The following SLC35F5 variants were observed in gnomAD, a reference collection of about 807,000 sequenced individuals.
The protein encoded by SLC35F5 is solute carrier family 35 member F5, also known as HCV NS5A-transactivated protein 3.
In SLC35F5, 54 loss-of-function variants were observed where a neutral mutation model predicts 68.6. That is an observed-to-expected ratio of 0.79 (90% CI 0.63 to 0.99). The LOEUF is 0.99. SLC35F5 is among the 50% of genes least tolerant of loss of function. SLC35F5 has a pLI of 0.00. For missense variants in SLC35F5, 567 were observed against 626.9 expected (o/e 0.90, Z 1.02); for synonymous variants, 211 against 205.2 (o/e 1.03, Z -0.24).
chr2:113,756,568 C>T lies in SLC35F5; in HGVS notation c.-159G>A, dbSNP rs1256423368. The T allele has an allele frequency of 1.4e-6, 2 of 1,459,702 alleles. No individual in the cohort carries two copies. Among genetic ancestry groups the T allele is most frequent in the South Asian group, 1.4e-5 (1 of 72,456 alleles). 90.4% of individuals were successfully genotyped at this position (1,459,702 alleles called of 1,614,324 possible). A position where few individuals can be genotyped will look rare whatever the true frequency, so the allele number is the denominator to read the frequency against. On this transcript the variant is annotated 5_prime_UTR_variant, in exon 1 of 16. Coordinates refer to ENST00000245680, the MANE Select transcript of SLC35F5 (RefSeq NM_025181.5). ...GCTCCCGACACCACCCAACTCCACT[C>T]GGCCCAGGAGGGCGTGGAGCGGGTG...
chr2:113,717,373 A>G (rs1164351615), intron 15 of SLC35F5: 1 of 153,402 alleles, frequency 6.5e-6, no homozygotes. Flanking sequence ...CAGAGAAAAA[A>G]TATTTTTCTA....
chr2:113,735,821 G>C lies in SLC35F5; in HGVS notation c.788C>G (p.Ser263Ter). The change falls in exon 8 of 16, where the codon TCA (serine) becomes TGA (stop). Residue 263 changes from serine to a stop codon, truncating the protein, a stop_gained. Coordinates refer to ENST00000245680, the MANE Select transcript of SLC35F5 (RefSeq NM_025181.5). LOFTEE classifies it high-confidence loss of function. The part of the protein sequence containing the change: ...LANLSYQEAL[S>*]DTQVAIVNIL... ...ATTAACTATAGCAACTTGTGTGTCT[G>C]AAAGTGCTTCTTGATATGACAAATT... The C allele has an allele frequency of 1.2e-6, 2 of 1,609,642 alleles. No individual in the cohort carries two copies. Among genetic ancestry groups the C allele is most frequent in the Non-Finnish European group, 1.7e-6 (2 of 1,178,370 alleles).
chr2:113,729,377 C>A, intron 11 of SLC35F5, 24 bp downstream of exon 11: 1 of 1,226,904 alleles, frequency 8.2e-7, no homozygotes, highest in East Asian at 2.5e-5. Context: ...AGTAAATAGC[C>A]TCCCAAGTTA....
chr2:113,744,693 C>G (rs918165635), intron 5 of SLC35F5, among the ~76,000 whole-genome samples: 39 of 152,184 alleles, frequency 2.6e-4, no homozygotes, highest in African/African-American at 9.4e-4. Context: ...GGAGGTTGTG[C>G]AGTGAGCTGA....
intron 4 of SLC35F5, among the ~76,000 whole-genome samples, chr2:113,746,931 A>C (rs74957739): frequency 1.2e-5 from 1 of 83,160 alleles, no homozygotes; most frequent in Non-Finnish European, 2.8e-5. Context: ...CAAAAAAAGA[A>C]AAAAAAAAAA....
Position 113,717,817 on chromosome 2 carries a change from G to T in SLC35F5, c.1530C>A (p.Leu510=). 1 of 1,613,070 alleles carries T rather than the reference G, an allele frequency of 6.2e-7. No homozygotes were observed. Among genetic ancestry groups the T allele is most frequent in the South Asian group, 1.1e-5 (1 of 90,938 alleles). ...CCTGAGAAACACTGTGCATAGAAAT[G>T]AGACTCTCACACTGTTCGCTGTCTT... The part of the protein sequence containing the change: ...VPEDSEQCES[L]ISMHSVSQED... Residue 510 remains leucine, a synonymous_variant, in exon 15 of 16, where the codon CTC becomes CTA. Transcript: ENST00000245680.
intron 13 of SLC35F5, chr2:113,719,558 G>C: frequency 1.6e-5 from 5 of 312,632 alleles, no homozygotes; most frequent in Non-Finnish European, 2.9e-5. Context: ...GGAAAGCCAA[G>C]AAAGCATACT....
In SLC35F5 at chr2:113,734,693, T is replaced by G. The variant is rs375795998; in HGVS notation, c.833-20A>C. 6.8e-7 allele frequency: 1 copy of G among 1,462,770 alleles called. No homozygotes were observed. Among genetic ancestry groups the G allele is most frequent in the Non-Finnish European group, 9.5e-7 (1 of 1,057,076 alleles). The allele number at this position is 1,462,770 out of a possible 1,614,324, so 90.6% of individuals were successfully genotyped here. A position where few individuals can be genotyped will look rare whatever the true frequency, so the allele number is the denominator to read the frequency against. ...AAAGTCCTATGAGGAGAAAAGAATT[T>G]AAAAATGGTACATGAGTTTAAATAC... On this transcript the variant is annotated intron_variant, in intron 8 of 15. Coordinates refer to ENST00000245680, the MANE Select transcript of SLC35F5 (RefSeq NM_025181.5).
At chr2:113,719,389 T>A in intron 13 of SLC35F5, 81 bp from the exon 14 acceptor site, 1 of 1,267,166 alleles carries the variant, frequency 7.9e-7, no homozygotes, top group East Asian at 2.5e-5. Context: ...GTTTTCTATT[T>A]GTGAAAACTA....
At chr2:113,747,894 C>A (rs1197230755) in intron 4 of SLC35F5, among the ~76,000 whole-genome samples, 1 of 152,100 alleles carries the variant, frequency 6.6e-6, no homozygotes, top group Non-Finnish European at 1.5e-5. Flanking sequence ...GAGTTCAAGA[C>A]CAGCCTGACC....
downstream of SLC35F5, among the ~76,000 whole-genome samples, chr2:113,702,833 G>C (rs1387049756): frequency 6.6e-6 from 1 of 152,130 alleles, no homozygotes; most frequent in African/African-American, 2.4e-5. Flanking sequence ...TATGGGCCAG[G>C]CACGGTGGCT....
Position 113,753,306 on chromosome 2 carries a change from G to T in SLC35F5, c.273+1859C>A, listed in dbSNP as rs138630589. On this transcript the variant is annotated intron_variant, in intron 3 of 15. Coordinates refer to ENST00000245680, the MANE Select transcript of SLC35F5 (RefSeq NM_025181.5). ...CGATTCTCCTGCCTCAGCCTCCAGA[G>T]TAACTGGGATTACAGGCACCCACCA... Among the ~76,000 whole-genome samples the T allele has an allele frequency of 3.3e-3, 492 of 148,620 alleles. 9 individuals are homozygous for T. The highest frequency in any genetic ancestry group is 0.012 in the African/African-American group (474 of 40,444).
chr2:113,729,304 A>T (rs1574232714), intron 11 of SLC35F5, 97 bp downstream of exon 11: 1 of 329,874 alleles, frequency 3.0e-6, no homozygotes, highest in Admixed American at 6.0e-5. Context: ...CATACGGAAG[A>T]AAAAAAAAGG....
intron 14 of SLC35F5, among the ~76,000 whole-genome samples, chr2:113,718,105 A>T (rs1185687098): frequency 6.6e-6 from 1 of 152,172 alleles, no homozygotes; most frequent in Non-Finnish European, 1.5e-5. Flanking sequence ...TAAATAAGAG[A>T]CAGGGTATCA....
At position 113,735,706 on chromosome 2, in the gene SLC35F5, A is replaced by C. The variant is rs192634204; in HGVS notation, c.832+71T>G. 3.6e-4 allele frequency: 346 copies of C among 961,522 alleles called. 5 individuals are homozygous for C. The East Asian group carries it at 8.5e-3, about 24-fold the overall frequency. The allele number at this position is 961,522 out of a possible 1,614,324, so 59.6% of individuals were successfully genotyped here. ...CTATAACAAGATAAAAATGTTGTAC[A>C]TGTACACACATATATACCAGAAATA... On this transcript the variant is annotated intron_variant, in intron 8 of 15. Coordinates refer to ENST00000245680, the MANE Select transcript of SLC35F5 (RefSeq NM_025181.5).
rs1180511334 is a variant in SLC35F5 at position 113,725,442 on chromosome 2, C to T, written c.1186G>A (p.Val396Ile). 6.2e-7 allele frequency: 1 copy of T among 1,610,958 alleles called. No homozygotes were observed. Among genetic ancestry groups the T allele is most frequent in the Admixed American group, 1.7e-5 (1 of 59,428 alleles). ...CCATTAATGATAATGCACATTAATA[C>T]TACTTTATTGGGAAACTCGAAGTCC... ...FEDFEFPNKV[V>I]LMCIIINGLI... The change falls in exon 12 of 16, where the codon GTA (valine) becomes ATA (isoleucine). Residue 396 changes from valine (V) to isoleucine (I), a missense_variant. Physicochemically the swap from Val to Ile is conservative, Grantham distance 29 (BLOSUM62 3). Transcript: ENST00000245680.
At chr2:113,752,217 CAAAAA>C (rs11386050) in intron 3 of SLC35F5, among the ~76,000 whole-genome samples, 1 of 113,164 alleles carries the variant, frequency 8.8e-6, no homozygotes, top group African/African-American at 3.4e-5. Context: ...TGTCCCATCT[CAAAAA>C]AAAAAAAAAA....
At chr2:113,748,029 T>G (rs886942903) in intron 4 of SLC35F5, among the ~76,000 whole-genome samples, 3 of 151,768 alleles carry the variant, frequency 2.0e-5, no homozygotes, top group Non-Finnish European at 2.9e-5. Context: ...GAGGTGGAGG[T>G]TTCAGTGAGC....
Position 113,731,566 on chromosome 2 carries a change from C to T in SLC35F5, c.985+18G>A. 6.2e-7 allele frequency: 1 copy of T among 1,604,726 alleles called. No individual in the cohort carries two copies. The highest frequency in any genetic ancestry group is 8.5e-7 in the Non-Finnish European group (1 of 1,171,814). ...TCTTATTTACTCTAACAGAGAGAATCCAGAGTCCAGTACTTACCTACTGTG... is the reference window on the plus strand; with the variant it reads ...TCTTATTTACTCTAACAGAGAGAATTCAGAGTCCAGTACTTACCTACTGTG... On this transcript the variant is annotated intron_variant, in intron 10 of 15. Coordinates refer to ENST00000245680, the MANE Select transcript of SLC35F5 (RefSeq NM_025181.5).
Sources: allele counts gnomAD v4.1 joint callset (sites outside exome capture counted in the v4.1 genomes callset), GRCh38; gene constraint gnomAD v4.1.1; transcripts MANE v1.5; gene names NCBI Gene and HGNC (gene_info 2026-07-23, HGNC 2026-07-21).